The following EP400 variants were observed in gnomAD, a reference collection of about 807,000 sequenced individuals.
EP400 encodes the protein E1A-binding protein p400.
Under a neutral mutation model 354.1 loss-of-function variants are expected in EP400, and 105 were observed. That is an observed-to-expected ratio of 0.30 (90% confidence interval 0.25 to 0.35). The LOEUF (loss-of-function observed/expected upper bound fraction) is 0.35. Ranked by LOEUF, EP400 falls within the 10% of genes least tolerant of loss-of-function variation. EP400 has a pLI of 1.00. For missense variants in EP400, 3,280 were observed against 4,121.0 expected (o/e 0.80, Z 5.59); for synonymous variants, 1,646 against 1,716.9 (o/e 0.96, Z 1.02).
At position 131,960,608 on chromosome 12, in the gene EP400, A is replaced by G. The variant is rs773939924; in HGVS notation, c.-12A>G. The G allele has an allele frequency of 8.2e-6, 13 of 1,579,602 alleles. No homozygotes were observed. The East Asian group carries it at 3.0e-4, about 36-fold the overall frequency. On this transcript the variant is annotated 5_prime_UTR_variant, in exon 2 of 53. Coordinates refer to ENST00000389561, the MANE Select transcript of EP400 (RefSeq NM_015409.5). ...AGGAGAACGACACATTGGATACAGA[A>G]GGGAGGTGATCATGCACCATGGCAC...
At chr12:132,020,247 G>A (rs376942905) in intron 22 of EP400, 29 bp downstream of exon 22, 43 of 1,549,238 alleles carry the variant, frequency 2.8e-5, no homozygotes, top group South Asian at 1.1e-4. Context: ...TCTGCTCTCC[G>A]CCTTATGGAG....
At position 132,018,138 on chromosome 12, in the gene EP400, A is replaced by G. The variant is rs1593350125; in HGVS notation, c.4111-72A>G. On this transcript the variant is annotated intron_variant, in intron 20 of 52. Coordinates refer to ENST00000389561, the MANE Select transcript of EP400 (RefSeq NM_015409.5). This position sits in a 1 kb window ranked among gnomAD's most constrained non-coding sequence, Gnocchi z 4.0. ...TGCCCACGTTAGGGCCCTGCCATAG[A>G]AATCAGTTTTGATTCTTAGGTGCTT... 13 of 1,584,260 alleles carry G rather than the reference A, an allele frequency of 8.2e-6. No individual in the cohort carries two copies. The East Asian group carries it at 2.9e-4, about 35-fold the overall frequency.
Position 132,017,757 on chromosome 12 carries a change from G to C in EP400, c.4110+36G>C. On this transcript the variant is annotated intron_variant, in intron 20 of 52. Coordinates refer to ENST00000389561, the MANE Select transcript of EP400 (RefSeq NM_015409.5). The surrounding 1 kb of genome is among the most constrained non-coding windows in gnomAD (Gnocchi z 5.0). The stretch of plus-strand genomic sequence containing the variant: ...GATCCAGAAAGCGGAATTACTGTTG[G>C]ATATCTTTTCTAGGCACATTATAGA... 6.7e-7 allele frequency: 1 copy of C among 1,503,052 alleles called. No individual in the cohort carries two copies. Among genetic ancestry groups the C allele is most frequent in the Non-Finnish European group, 8.9e-7 (1 of 1,126,334 alleles). The allele number at this position is 1,503,052 out of a possible 1,614,324, so 93.1% of individuals were successfully genotyped here. A position where few individuals can be genotyped will look rare whatever the true frequency, so the allele number is the denominator to read the frequency against.
chr12:131,952,612 C>A (rs1252167248), intron 1 of EP400, among the ~76,000 whole-genome samples: 1 of 152,052 alleles, frequency 6.6e-6, no homozygotes, highest in African/African-American at 2.4e-5. Context: ...GGCACCACGC[C>A]GTGCTAATTT....
chr12:132,005,203 G>A lies in EP400; in HGVS notation c.2935+19G>A. 2 of 1,534,624 alleles carry A rather than the reference G, an allele frequency of 1.3e-6. No homozygotes were observed. The highest frequency in any genetic ancestry group is 1.8e-6 in the Non-Finnish European group (2 of 1,133,664). On this transcript the variant is annotated intron_variant, in intron 13 of 52. Coordinates refer to ENST00000389561, the MANE Select transcript of EP400 (RefSeq NM_015409.5). ...GAGGAAGGTGCGCTCCCAGCCTTTG[G>A]AAGAATTCAGGGTTAAAAGCAGAAG...
chr12:132,005,241 C>A, intron 13 of EP400, 57 bp downstream of exon 13: 1 of 1,264,932 alleles, frequency 7.9e-7, no homozygotes, highest in Non-Finnish European at 1.1e-6. Context: ...GGAGTACTTA[C>A]AAAGACTTAA....
At chr12:131,964,966 GT>G (rs1213214182) in intron 2 of EP400, among the ~76,000 whole-genome samples, 1 of 152,206 alleles carries the variant, frequency 6.6e-6, no homozygotes, top group Non-Finnish European at 1.5e-5. Context: ...ATCTGGGTTG[GT>G]TTCTTAGTCT....
In EP400 at chr12:132,055,715, TGTGAA is replaced by T. The variant is rs1246723228; in HGVS notation, c.7884+511_7884+515del. Among the ~76,000 whole-genome samples, 3 of 147,644 alleles carry T rather than the reference TGTGAA, an allele frequency of 2.0e-5. No individual in the cohort carries two copies. In the East Asian group the frequency reaches 6.0e-4, roughly 30 times the overall value. ...TGTGAAGTGTAGGGGTGTGTGTGTG[TGTGAA>T]GTGTAGGGGTGTGTGTGTGAAGTGT... On this transcript the variant is annotated intron_variant, in intron 45 of 52. Transcript: ENST00000389561.
intron 32 of EP400, among the ~76,000 whole-genome samples, chr12:132,040,417 G>T (rs564182648): frequency 3.3e-5 from 5 of 152,112 alleles, no homozygotes; most frequent in African/African-American, 4.8e-5. Context: ...CTGTACCCTC[G>T]TGTTCATCGC....
At chr12:131,970,601 G>T (rs972078087) in intron 2 of EP400, among the ~76,000 whole-genome samples, 3 of 152,218 alleles carry the variant, frequency 2.0e-5, no homozygotes, top group African/African-American at 7.2e-5. Context: ...TACTAATAGA[G>T]CACCCAGTGC....
At chr12:132,045,032 T>C in intron 37 of EP400, 79 bp downstream of exon 37, 1 of 1,333,088 alleles carries the variant, frequency 7.5e-7, no homozygotes, top group South Asian at 1.4e-5. Context: ...CTTTCTGCTG[T>C]CTGCCTGTCT....
chr12:132,048,991 T>C (rs1593373303), intron 39 of EP400, among the ~76,000 whole-genome samples: 1 of 152,226 alleles, frequency 6.6e-6, no homozygotes, highest in Non-Finnish European at 1.5e-5. Context: ...TCTCATTCTG[T>C]ACATAGAGGA....
intron 45 of EP400, among the ~76,000 whole-genome samples, 154 bp from the exon 46 acceptor site, chr12:132,061,956 A>G (rs1024620830): frequency 6.6e-5 from 10 of 152,248 alleles, no homozygotes; most frequent in African/African-American, 2.2e-4. Context: ...GAATTTACAC[A>G]TGAAATCAGC....
intron 32 of EP400, among the ~76,000 whole-genome samples, chr12:132,040,412 C>T (rs1018274474): frequency 6.6e-6 from 1 of 152,076 alleles, no homozygotes; most frequent in African/African-American, 2.4e-5. Flanking sequence ...GGCGTCTGTA[C>T]CCTCGTGTTC....
intron 25 of EP400, among the ~76,000 whole-genome samples, chr12:132,026,213 CCTCTGAGTCCCCG>C (rs1894300018): frequency 1.3e-5 from 2 of 152,316 alleles, no homozygotes; most frequent in Admixed American, 6.5e-5. Flanking sequence ...ACCTGCTTCA[CCTCTGAGTCCCCG>C]CTCTGTGCCT....
intron 30 of EP400, among the ~76,000 whole-genome samples, chr12:132,035,190 A>C (rs1213521113): frequency 6.6e-6 from 1 of 152,074 alleles, no homozygotes; most frequent in Non-Finnish European, 1.5e-5. Context: ...GCACGATGAG[A>C]TCTCTCTTCT....
chr12:131,982,251 A>G lies in EP400; in HGVS notation c.1702A>G (p.Thr568Ala). Residue 568 changes from threonine (T) to alanine (A), a missense_variant, in exon 5 of 53, where the codon ACT becomes GCT. Thr to Ala is a moderately conservative substitution (Grantham distance 58, BLOSUM62 0). Transcript: ENST00000389561. ...PGRLPPAGVP[T>A]AALSSALQFA... Reference sequence around the variant, plus strand: ...GAGGCTGCCCCCAGCCGGTGTTCCCACTGCAGCCCTCTCCTCTGCGCTGCA... The same window carrying G: ...GAGGCTGCCCCCAGCCGGTGTTCCCGCTGCAGCCCTCTCCTCTGCGCTGCA... 1 of 1,614,096 alleles carries G rather than the reference A, an allele frequency of 6.2e-7. No homozygotes were observed. The highest frequency in any genetic ancestry group is 8.5e-7 in the Non-Finnish European group (1 of 1,179,996).
chr12:132,045,233 T>C, intron 37 of EP400, 86 bp from the exon 38 acceptor site: 3 of 1,554,258 alleles, frequency 1.9e-6, no homozygotes, highest in Non-Finnish European at 2.6e-6. Context: ...ACCTCCAGAC[T>C]TGCCTGACCT....
chr12:131,993,505 G>T (rs1221147469), intron 11 of EP400, among the ~76,000 whole-genome samples: 1 of 152,224 alleles, frequency 6.6e-6, no homozygotes, highest in African/African-American at 2.4e-5. Flanking sequence ...GGTAGCTGCG[G>T]TCGGCTTTAT....
Sources: allele counts gnomAD v4.1 joint callset (sites outside exome capture counted in the v4.1 genomes callset), GRCh38; gene constraint gnomAD v4.1.1; non-coding constraint Gnocchi (gnomAD v3.1); transcripts MANE v1.5; gene names NCBI Gene and HGNC (gene_info 2026-07-23, HGNC 2026-07-21).